LRPAP1: variants seen among roughly 807,000 people sequenced by gnomAD.
The protein encoded by LRPAP1 is LDL receptor related protein associated protein 1, also known as alpha-2-macroglobulin receptor-associated protein.
Under a neutral mutation model 39.9 loss-of-function variants are expected in LRPAP1, and 41 were observed. The observed-to-expected ratio is 1.03, with a 90% CI of 0.80 to 1.33. LRPAP1 has a LOEUF of 1.33. LRPAP1 is among the 40% of genes most tolerant of loss of function. The probability of loss-of-function intolerance (pLI) is 0.00; values close to 1 mark genes in which losing one functional copy is unlikely to be tolerated. For missense variants in LRPAP1, 565 were observed against 482.3 expected (o/e 1.17, Z -1.61); for synonymous variants, 263 against 212.7 (o/e 1.24, Z -2.06).
chr4:3,517,670 G>T, intron 5 of LRPAP1: 1 of 176,780 alleles, frequency 5.7e-6, no homozygotes, highest in South Asian at 1.5e-4. Context: ...GACGGTGTGG[G>T]TGGCATGAGA....
intron 2 of LRPAP1, among the ~76,000 whole-genome samples, chr4:3,522,656 G>A (rs1730773): frequency 0.57 from 58,292 of 102,302 alleles, 20,553 homozygotes; most frequent in East Asian, 0.88. Flanking sequence ...TGCCTGGGGA[G>A]GACGGACGCC....
intron 4 of LRPAP1, among the ~76,000 whole-genome samples, chr4:3,518,439 AGGTCCCCTGGGGGCTG>A (rs1729797858): frequency 4.6e-5 from 7 of 152,204 alleles, no homozygotes; most frequent in African/African-American, 1.7e-4. Context: ...CTGGGGCACC[AGGTCCCCTGGGGGCTG>A]ACTCTGGACC....
At position 3,532,372 on chromosome 4, in the gene LRPAP1, G is replaced by T. The variant is rs751949678; in HGVS notation, c.41C>A (p.Pro14Gln). 3.1e-6 allele frequency: 5 copies of T among 1,591,984 alleles called. No homozygotes were observed. The highest frequency in any genetic ancestry group is 4.3e-6 in the Non-Finnish European group (5 of 1,169,948). The change falls in exon 1 of 8, where the codon CCG becomes CAG. Residue 14 changes from proline to glutamine, a missense_variant. By Grantham distance (76) the Pro-to-Gln change is moderately conservative. Coordinates refer to ENST00000650182, the MANE Select transcript of LRPAP1 (RefSeq NM_002337.4). ...RRVRSFLRGL[P>Q]ALLLLLLFLG... ...GAAGAGCAGCAGCAGTAGCAGCGCC[G>T]GGAGCCCGCGCAGAAACGACCTGAC... is the stretch of plus-strand genomic sequence containing the variant.
At chr4:3,515,476 C>T (rs1275559349) in intron 6 of LRPAP1, among the ~76,000 whole-genome samples, 1 of 152,176 alleles carries the variant, frequency 6.6e-6, no homozygotes, top group African/African-American at 2.4e-5. Context: ...AAGGGCCCTT[C>T]CTGGGGCCAG....
rs145224767 is a variant in LRPAP1 at position 3,520,564 on chromosome 4, C to T, written c.350-371G>A. 2.6e-3 allele frequency among the ~76,000 whole-genome samples: 389 copies of T among 152,306 alleles called. 1 individual carries two copies. Among genetic ancestry groups the T allele is most frequent in the African/African-American group, 8.6e-3 (357 of 41,562 alleles). On this transcript the variant is annotated intron_variant, in intron 2 of 7. Transcript: ENST00000650182. ...TGGTTACCGATTGGCCCGTCTTTAGCGACCAGCTGCACAGATTTTCAAGAA... is the reference window on the plus strand; with the variant it reads ...TGGTTACCGATTGGCCCGTCTTTAGTGACCAGCTGCACAGATTTTCAAGAA...
At chr4:3,519,451 C>G (rs115558832) in intron 3 of LRPAP1, among the ~76,000 whole-genome samples, 3,709 of 152,350 alleles carry the variant, frequency 0.024, 58 homozygotes, top group Non-Finnish European at 0.037. Flanking sequence ...CCCTCTCTGC[C>G]CCCTTCTACC....
intron 1 of LRPAP1, 86 bp from the exon 2 acceptor site, chr4:3,525,137 C>T (rs1217676867): frequency 6.6e-7 from 1 of 1,524,750 alleles, no homozygotes; most frequent in Non-Finnish European, 9.0e-7. Flanking sequence ...AGGCTGGCCA[C>T]CGGGAGGTTC....
chr4:3,516,127 C>T lies in LRPAP1; in HGVS notation c.823G>A (p.Glu275Lys). ...CCGTGTTTCCTTACCCGGAACGCCT[C>T]CAGCTCCTTGTCCGTGAGGTTGGCG... is the stretch of plus-strand genomic sequence containing the variant. The part of the protein sequence containing the change: ...QSANLTDKEL[E>K]AFREELKHFE... The change falls in exon 6 of 8, where the codon GAG becomes AAG. Residue 275 changes from glutamate to lysine, a missense_variant. Physicochemically the swap from Glu to Lys is moderately conservative, Grantham distance 56. Coordinates refer to ENST00000650182, the MANE Select transcript of LRPAP1 (RefSeq NM_002337.4). The T allele has an allele frequency of 3.2e-6, 5 of 1,577,458 alleles. No homozygotes were observed. The highest frequency in any genetic ancestry group is 4.3e-6 in the Non-Finnish European group (5 of 1,161,512).
intron 2 of LRPAP1, among the ~76,000 whole-genome samples, chr4:3,522,005 C>T (rs756724202): frequency 7.4e-4 from 113 of 152,320 alleles, no homozygotes; most frequent in Non-Finnish European, 8.1e-4. Flanking sequence ...ATAATACCGG[C>T]TGTGGGGGAT....
chr4:3,519,973 G>A (rs935660814), intron 3 of LRPAP1, 99 bp downstream of exon 3: 22 of 1,429,774 alleles, frequency 1.5e-5, no homozygotes, highest in African/African-American at 7.1e-5. Flanking sequence ...CCCAAACCCC[G>A]GCTCCCATGC....
rs572107328 is a variant in LRPAP1, at chr4:3,512,542, A to G, written c.*432T>C. On this transcript the variant is annotated 3_prime_UTR_variant, in exon 8 of 8. Transcript: ENST00000650182. ...TGGCTCCGGCCCCAGCCACCAGGAC[A>G]CTTAGTGACCAGCCAACAAGCGGGT... 3 of 165,440 alleles carry G rather than the reference A, an allele frequency of 1.8e-5. No individual in the cohort carries two copies. Among genetic ancestry groups the G allele is most frequent in the Non-Finnish European group, 2.6e-5 (2 of 76,128 alleles). The allele number at this position is 165,440 out of a possible 1,614,324, so 10.2% of individuals were successfully genotyped here. A position where few individuals can be genotyped will look rare whatever the true frequency, so the allele number is the denominator to read the frequency against.
chr4:3,518,546 G>T (rs948260941), intron 4 of LRPAP1, among the ~76,000 whole-genome samples: 1 of 152,136 alleles, frequency 6.6e-6, no homozygotes, highest in Non-Finnish European at 1.5e-5. Flanking sequence ...ATTTGGGGAG[G>T]GTCACGAGTC....
chr4:3,518,077 G>A lies in LRPAP1; in HGVS notation c.708C>T (p.Asp236=), dbSNP rs1470256258. Residue 236 remains aspartate, a synonymous_variant, in exon 5 of 8, where the codon GAC becomes GAT. Coordinates refer to ENST00000650182, the MANE Select transcript of LRPAP1 (RefSeq NM_002337.4). ...EKLRSINQGL[D]RLRRVSHQGY... The stretch of plus-strand genomic sequence containing the variant: ...CCTGGTGGCTGACCCTGCGCAGGCG[G>A]TCCAGGCCCTGGTTGATGCTGCGCA... 6.2e-7 allele frequency: 1 copy of A among 1,612,780 alleles called. No individual in the cohort carries two copies. The highest frequency in any genetic ancestry group is 1.7e-5 in the Admixed American group (1 of 59,994).
At chr4:3,519,234 G>A (rs1729831601) in intron 3 of LRPAP1, among the ~76,000 whole-genome samples, 1 of 152,348 alleles carries the variant, frequency 6.6e-6, no homozygotes, top group Admixed American at 6.5e-5. Context: ...TGGCTGGGGT[G>A]GGGAGCAGAA....
chr4:3,514,628 G>A (rs1299480851), intron 7 of LRPAP1, 124 bp downstream of exon 7: 24 of 1,281,946 alleles, frequency 1.9e-5, no homozygotes, highest in Non-Finnish European at 2.4e-5. Flanking sequence ...GGTTCAACTC[G>A]GACAGGGAAG....
chr4:3,505,282 G>C lies in LRPAP1; in HGVS notation c.*7692C>G, dbSNP rs1480048371. ...GTGGCAGTGGTGGGGGAGCAGGCAT[G>C]GCACCCGGAGCACTGGAGCCCAATG... On this transcript the variant is annotated 3_prime_UTR_variant, in exon 8 of 8. Coordinates refer to ENST00000650182, the MANE Select transcript of LRPAP1 (RefSeq NM_002337.4). 6.6e-6 allele frequency among the ~76,000 whole-genome samples: 1 copy of C among 152,212 alleles called. No individual in the cohort carries two copies. The highest frequency in any genetic ancestry group is 1.5e-5 in the Non-Finnish European group (1 of 68,022).
At chr4:3,513,331 AG>A (rs1263098529) in intron 7 of LRPAP1, among the ~76,000 whole-genome samples, 11 of 152,180 alleles carry the variant, frequency 7.2e-5, no homozygotes, top group Admixed American at 7.2e-4. Flanking sequence ...ACTTACTGAA[AG>A]GGTCTCGCTC....
rs1380439613 is a variant in LRPAP1, at chr4:3,525,518, A to T, written c.205-467T>A. On this transcript the variant is annotated intron_variant, in intron 1 of 7. Transcript: ENST00000650182. ...CTTCATTTCCCAAAGACCCTCAGTC[A>T]CCACCTCTCAAGTGTACCATGATCC... Among the ~76,000 whole-genome samples, 4 of 152,182 alleles carry T rather than the reference A, an allele frequency of 2.6e-5. No homozygotes were observed. The South Asian group carries it at 8.3e-4, about 31-fold the overall frequency.
At chr4:3,519,653 G>A (rs937946425) in intron 3 of LRPAP1, among the ~76,000 whole-genome samples, 5 of 152,310 alleles carry the variant, frequency 3.3e-5, no homozygotes, top group South Asian at 2.1e-4. Context: ...GCCTGGCCCC[G>A]CACCCTTCCC....
Sources: allele counts gnomAD v4.1 joint callset (sites outside exome capture counted in the v4.1 genomes callset), GRCh38; gene constraint gnomAD v4.1.1; transcripts MANE v1.5; gene names NCBI Gene and HGNC (gene_info 2026-07-23, HGNC 2026-07-21).